The following CPLANE1 variants were observed in gnomAD, a reference collection of about 807,000 sequenced individuals.
CPLANE1 encodes ciliogenesis and planar polarity effector 1.
CPLANE1 carries 263 observed loss-of-function variants against 362.5 expected under a neutral mutation model. The ratio of observed to expected loss-of-function variants is 0.73; its 90% CI spans 0.66 to 0.80. The LOEUF (loss-of-function observed/expected upper bound fraction) is 0.80. CPLANE1 is among the 30% of genes least tolerant of loss of function. The pLI is 0.00. For missense variants in CPLANE1, 3,461 were observed against 3,793.4 expected (o/e 0.91, Z 2.30); for synonymous variants, 1,212 against 1,302.6 (o/e 0.93, Z 1.50).
At chr5:37,223,570 G>C (rs975575861) in intron 14 of CPLANE1, among the ~76,000 whole-genome samples, 1 of 152,192 alleles carries the variant, frequency 6.6e-6, no homozygotes, top group Admixed American at 6.5e-5. Context: ...GTTGCAGTCA[G>C]GGTTCCAGGG....
At chr5:37,121,833 A>G in intron 48 of CPLANE1, 49 bp from the exon 49 acceptor site, 1 of 1,493,160 alleles carries the variant, frequency 6.7e-7, no homozygotes, top group Non-Finnish European at 9.3e-7. Flanking sequence ...CTTTCAGTTC[A>G]TCTATCCAGA....
intron 21 of CPLANE1, among the ~76,000 whole-genome samples, chr5:37,191,250 T>A (rs1451201216): frequency 6.6e-6 from 1 of 152,184 alleles, no homozygotes. Context: ...GAAAAAAGCC[T>A]GGCCAAGCAC....
At chr5:37,082,142 C>G in the CPLANE1 span, among the ~76,000 whole-genome samples, 1 of 148,980 alleles carries the variant, frequency 6.7e-6, no homozygotes, top group African/African-American at 2.5e-5. Flanking sequence ...AGAGAAATAA[C>G]AGAGGTAATG....
At position 37,224,653 on chromosome 5, in the gene CPLANE1, C is replaced by T. The variant is rs1796053607; in HGVS notation, c.2379G>A (p.Gln793=). ...CTTCATGTGTCATCTTTTCAGTTAA[C>T]TGACTATCAGCTTCAGGAACTCTTC... The part of the protein sequence containing the change: ...LNRRVPEADS[Q]LTEKMTHEAS... The change falls in exon 13 of 53, where the codon CAG becomes CAA. Residue 793 remains glutamine (Q), a synonymous_variant. Coordinates refer to ENST00000651892, the MANE Select transcript of CPLANE1 (RefSeq NM_001384732.1). 2.6e-6 allele frequency: 4 copies of T among 1,551,416 alleles called. No individual in the cohort carries two copies. Among genetic ancestry groups the T allele is most frequent in the Non-Finnish European group, 2.6e-6 (3 of 1,146,734 alleles).
At chr5:37,241,247 G>T (rs1209671533) in intron 6 of CPLANE1, among the ~76,000 whole-genome samples, 3 of 147,340 alleles carry the variant, frequency 2.0e-5, no homozygotes, top group Admixed American at 2.0e-4. Flanking sequence ...TGAGGTCAGG[G>T]GTTCGAGACC....
chr5:37,177,010 G>A (rs1289907318), intron 30 of CPLANE1, among the ~76,000 whole-genome samples: 2 of 151,946 alleles, frequency 1.3e-5, no homozygotes, highest in Admixed American at 6.6e-5. Context: ...CACCCGCCTC[G>A]GCCTCCTAGA....
In CPLANE1 at chr5:37,169,260, G is replaced by A; in HGVS notation, c.6764C>T (p.Pro2255Leu). Reference sequence around the variant, plus strand: ...TAATCCCCAAGCCTCTCTTGGTTGTGGCAAAGGCCTGAAGGGAACTTGTGG... The same window carrying A: ...TAATCCCCAAGCCTCTCTTGGTTGTAGCAAAGGCCTGAAGGGAACTTGTGG... ...SIPQVPFRPL[P>L]QPREAWGLSD... The change falls in exon 34 of 53, where the codon CCA (proline) becomes CTA (leucine). Residue 2255 changes from proline (P) to leucine (L), a missense_variant. By Grantham distance (98) the Pro-to-Leu change is moderately conservative. Around this residue, in one of 2 missense-constraint regions of CPLANE1, gnomAD observed 3,380 missense variants for 3,666.1 expected, o/e 0.92. Transcript: ENST00000651892. 2 of 1,614,162 alleles carry A rather than the reference G, an allele frequency of 1.2e-6. No homozygotes were observed. Among genetic ancestry groups the A allele is most frequent in the Non-Finnish European group, 1.7e-6 (2 of 1,180,034 alleles).
At chr5:37,127,443 A>C (rs775665214) in intron 46 of CPLANE1, among the ~76,000 whole-genome samples, 3 of 152,120 alleles carry the variant, frequency 2.0e-5, no homozygotes, top group African/African-American at 7.2e-5. Context: ...ATACCGATGA[A>C]TATTACCACT....
chr5:37,090,321 G>T, the CPLANE1 span, among the ~76,000 whole-genome samples: 9 of 152,138 alleles, frequency 5.9e-5, no homozygotes, highest in East Asian at 1.9e-4. Flanking sequence ...CCTAGAATGG[G>T]TTTTTTGCCA....
In CPLANE1 at chr5:37,192,660, T is replaced by G. The variant is rs185148113; in HGVS notation, c.3811+3198A>C. Among the ~76,000 whole-genome samples, 109 of 142,140 alleles carry G rather than the reference T, an allele frequency of 7.7e-4. No individual in the cohort carries two copies. In the Middle Eastern group the frequency reaches 0.013, roughly 16 times the overall value. 93.2% of individuals were successfully genotyped at this position (142,140 alleles called of 152,430 possible). A position where few individuals can be genotyped will look rare whatever the true frequency, so the allele number is the denominator to read the frequency against. On this transcript the variant is annotated intron_variant, in intron 21 of 52. Transcript: ENST00000651892. Reference sequence around the variant, plus strand: ...CGGGCAGATCACGAGGTCAGGAGATTGAGACCATCCTGGCTAACACGGTGA... The same window carrying G: ...CGGGCAGATCACGAGGTCAGGAGATGGAGACCATCCTGGCTAACACGGTGA...
chr5:37,121,330 CA>C (rs1174328122), intron 49 of CPLANE1, among the ~76,000 whole-genome samples: 2 of 152,124 alleles, frequency 1.3e-5, no homozygotes, highest in African/African-American at 4.8e-5. Flanking sequence ...CAAATATTAA[CA>C]ACAACTAAAT....
chr5:37,101,914 G>T (rs1379481887), downstream of CPLANE1, among the ~76,000 whole-genome samples: 1 of 151,794 alleles, frequency 6.6e-6, no homozygotes, highest in Non-Finnish European at 1.5e-5. Context: ...TTCTCTGATG[G>T]TTGGTTGTAT....
chr5:37,138,061 T>C (rs1293048784), intron 46 of CPLANE1, among the ~76,000 whole-genome samples: 1 of 152,220 alleles, frequency 6.6e-6, no homozygotes. Context: ...TTAGGTTCAA[T>C]TGCTCAAGTG....
chr5:37,126,674 G>C (rs991076881), intron 46 of CPLANE1, among the ~76,000 whole-genome samples: 13 of 152,150 alleles, frequency 8.5e-5, no homozygotes, highest in African/African-American at 3.1e-4. Context: ...CATGCAGTAG[G>C]AGTGGTCTGA....
chr5:37,085,030 G>T, the CPLANE1 span: 1 of 640,304 alleles, frequency 1.6e-6, no homozygotes, highest in Non-Finnish European at 2.8e-6. Context: ...CGGAAGAGAG[G>T]TCGTCTTTCC....
the CPLANE1 span, chr5:37,085,570 T>A: frequency 1.2e-6 from 1 of 848,430 alleles, no homozygotes; most frequent in Non-Finnish European, 2.1e-6. Context: ...ACTGTTTTCA[T>A]CAAGTTCAAC....
At chr5:37,196,051 A>G in intron 20 of CPLANE1, 55 bp from the exon 21 acceptor site, 2 of 1,434,616 alleles carry the variant, frequency 1.4e-6, no homozygotes, top group East Asian at 2.5e-5. Flanking sequence ...AATCACTTTT[A>G]AAAGAAACTA....
rs1465684528 is a variant in CPLANE1 at position 37,162,702 on chromosome 5, TG to T, written c.7589-137del. 3 of 548,274 alleles carry T rather than the reference TG, an allele frequency of 5.5e-6. No individual in the cohort carries two copies. The African/African-American group carries it at 5.7e-5, about 10-fold the overall frequency. The allele number at this position is 548,274 out of a possible 1,614,324, so 34.0% of individuals were successfully genotyped here. On this transcript the variant is annotated intron_variant, in intron 37 of 52. Transcript: ENST00000651892. ...TTATTAAATTTTTTTTTTTTTGAGA[TG>T]GAGTCTGGCTCTGCTGCCCAGGCTG... is the stretch of plus-strand genomic sequence containing the variant.
At chr5:37,233,815 G>T (rs1185081235) in intron 8 of CPLANE1, among the ~76,000 whole-genome samples, 2 of 152,036 alleles carry the variant, frequency 1.3e-5, no homozygotes, top group East Asian at 3.9e-4. Context: ...AGTATAAGGT[G>T]GTCTAGGGCC....
Sources: allele counts gnomAD v4.1 joint callset (sites outside exome capture counted in the v4.1 genomes callset), GRCh38; gene constraint gnomAD v4.1.1; regional missense constraint gnomAD v4.1.1; transcripts MANE v1.5; gene names NCBI Gene and HGNC (gene_info 2026-07-23, HGNC 2026-07-21).